Variants in DACH1 observed in about 807,000 individuals in gnomAD.
The protein encoded by DACH1 is dachshund family transcription factor 1, also known as dachshund homolog 1.
In DACH1, 12 loss-of-function variants were observed where a neutral mutation model predicts 54.2. That is an observed-to-expected ratio of 0.22 (90% CI 0.14 to 0.36). The LOEUF is 0.36. Ranked by LOEUF, DACH1 falls within the 10% of genes least tolerant of loss-of-function variation. The pLI is 1.00. For missense variants in DACH1, 805 were observed against 929.8 expected (o/e 0.87, Z 1.75); for synonymous variants, 386 against 366.2 (o/e 1.05, Z -0.62).
chr13:71,607,845 G>C (rs1478344648), intron 3 of DACH1, among the ~76,000 whole-genome samples: 3 of 152,046 alleles, frequency 2.0e-5, no homozygotes, highest in Non-Finnish European at 4.4e-5. Context: ...CAGTTTCAAA[G>C]GAACAGTGTC....
intron 2 of DACH1, among the ~76,000 whole-genome samples, chr13:71,673,724 C>T (rs987807734): frequency 1.3e-5 from 2 of 151,900 alleles, no homozygotes; most frequent in African/African-American, 4.8e-5. Flanking sequence ...CAAACCGGCA[C>T]GTTCTGCACA....
intron 1 of DACH1, among the ~76,000 whole-genome samples, chr13:71,704,867 T>C (rs921708317): frequency 5.9e-5 from 9 of 152,176 alleles, no homozygotes; most frequent in Non-Finnish European, 4.4e-5. Flanking sequence ...AATTGCTCAA[T>C]TGGCTAGAAA....
chr13:71,704,292 T>C (rs1294810696), intron 1 of DACH1: 4 of 297,824 alleles, frequency 1.3e-5, no homozygotes, highest in Non-Finnish European at 2.6e-5. Context: ...TAAGGTGATA[T>C]TGTAGACATC....
intron 1 of DACH1, among the ~76,000 whole-genome samples, chr13:71,781,699 C>T (rs1218693366): frequency 6.6e-6 from 1 of 151,988 alleles, no homozygotes; most frequent in African/African-American, 2.4e-5. Context: ...CTTTAGGATT[C>T]TTAGACGACC....
At chr13:71,673,395 T>C (rs1880322800) in intron 2 of DACH1, among the ~76,000 whole-genome samples, 2 of 152,240 alleles carry the variant, frequency 1.3e-5, no homozygotes, top group African/African-American at 4.8e-5. Context: ...ACAAGAGCTA[T>C]ATTTACATTC....
chr13:71,556,303 A>G (rs1186482421), intron 6 of DACH1, among the ~76,000 whole-genome samples: 8 of 152,162 alleles, frequency 5.3e-5, no homozygotes, highest in Admixed American at 5.2e-4. Flanking sequence ...ATATTTATAA[A>G]GTTTGAAAAT....
chr13:71,648,236 C>T (rs1878431432), intron 2 of DACH1, among the ~76,000 whole-genome samples: 1 of 152,120 alleles, frequency 6.6e-6, no homozygotes, highest in South Asian at 2.1e-4. Context: ...ATCAAATAGA[C>T]ACTCAAACTT....
At chr13:71,472,388 A>G (rs1877159419) in intron 10 of DACH1, among the ~76,000 whole-genome samples, 1 of 152,194 alleles carries the variant, frequency 6.6e-6, no homozygotes. Context: ...GGCAATATTT[A>G]GTCTACCCAG....
In DACH1 at chr13:71,730,474, G is replaced by A. The variant is rs965968256; in HGVS notation, c.849-48564C>T. ...CTCATTCTGAATGTATTTGAAATAA[G>A]CATGAGTCATGCACGCAAAGTCAAA... On this transcript the variant is annotated intron_variant, in intron 1 of 10. Transcript: ENST00000613252. 1.1e-4 allele frequency among the ~76,000 whole-genome samples: 16 copies of A among 152,156 alleles called. 1 individual carries two copies. Among genetic ancestry groups the A allele is most frequent in the Admixed American group, 1.0e-3 (16 of 15,276 alleles).
At chr13:71,451,692 T>C (rs1243798503) in intron 10 of DACH1, among the ~76,000 whole-genome samples, 2 of 152,124 alleles carry the variant, frequency 1.3e-5, no homozygotes, top group African/African-American at 2.4e-5. Context: ...TGCTCAAGAT[T>C]AAAGAGACTA....
At chr13:71,644,316 T>A (rs1270564306) in intron 2 of DACH1, among the ~76,000 whole-genome samples, 1 of 152,228 alleles carries the variant, frequency 6.6e-6, no homozygotes, top group Non-Finnish European at 1.5e-5. Flanking sequence ...TTTATCTTCT[T>A]AGCTAATATT....
intron 3 of DACH1, among the ~76,000 whole-genome samples, chr13:71,621,115 GACAC>G (rs1246467940): frequency 6.6e-6 from 1 of 151,520 alleles, no homozygotes; most frequent in Non-Finnish European, 1.5e-5. Context: ...TATATAACTG[GACAC>G]ACAAACACAC....
At chr13:71,845,013 G>A (rs1375751316) in intron 1 of DACH1, among the ~76,000 whole-genome samples, 1 of 152,076 alleles carries the variant, frequency 6.6e-6, no homozygotes, top group Non-Finnish European at 1.5e-5. Flanking sequence ...CAAAATTACA[G>A]CTAAATAAGA....
chr13:71,571,564 G>T (rs932530591), intron 4 of DACH1, among the ~76,000 whole-genome samples: 5 of 152,062 alleles, frequency 3.3e-5, no homozygotes, highest in Non-Finnish European at 7.4e-5. Flanking sequence ...TCTTTGAGTA[G>T]TTGATCCAGG....
chr13:71,565,267 T>C (rs1425115629), intron 4 of DACH1, among the ~76,000 whole-genome samples: 1 of 152,132 alleles, frequency 6.6e-6, no homozygotes, highest in African/African-American at 2.4e-5. Context: ...CAGCACTTTA[T>C]ATAACCAAAA....
chr13:71,852,186 C>T (rs1193235880), intron 1 of DACH1, among the ~76,000 whole-genome samples: 1 of 152,142 alleles, frequency 6.6e-6, no homozygotes, highest in Non-Finnish European at 1.5e-5. Context: ...GAAGCAGGAG[C>T]CAGCCGAGTT....
At chr13:71,643,632 G>A (rs760051345) in intron 2 of DACH1, among the ~76,000 whole-genome samples, 4 of 152,112 alleles carry the variant, frequency 2.6e-5, no homozygotes, top group African/African-American at 9.7e-5. Context: ...ATTATCTTAC[G>A]CTATGAGTTT....
At chr13:71,515,857 C>T (rs1479079443) in intron 6 of DACH1, among the ~76,000 whole-genome samples, 4 of 151,844 alleles carry the variant, frequency 2.6e-5, no homozygotes, top group Non-Finnish European at 4.4e-5. Context: ...GTTGTAATAA[C>T]TTATTAGACA....
chr13:71,675,116 G>C lies in DACH1; in HGVS notation c.964+6679C>G, dbSNP rs1355155060. ...AAATCGACCGGTGGTAAAGCACCCA[G>C]GAAGTAACTGGCTACAAAAGCCGCT... On this transcript the variant is annotated intron_variant, in intron 2 of 10. Coordinates refer to ENST00000613252, the MANE Select transcript of DACH1 (RefSeq NM_080759.6). 3 of 1,580,400 alleles carry C rather than the reference G, an allele frequency of 1.9e-6. No homozygotes were observed. In the African/African-American group the frequency reaches 4.0e-5, roughly 21 times the overall value.
Sources: allele counts gnomAD v4.1 joint callset (sites outside exome capture counted in the v4.1 genomes callset), GRCh38; gene constraint gnomAD v4.1.1; transcripts MANE v1.5; gene names NCBI Gene and HGNC (gene_info 2026-07-23, HGNC 2026-07-21).